NSRP1: variants seen among roughly 807,000 people sequenced by gnomAD.
NSRP1 encodes the protein nuclear speckle splicing regulatory protein 1.
Under a neutral mutation model 54.7 loss-of-function variants are expected in NSRP1, and 24 were observed. The ratio of observed to expected loss-of-function variants is 0.44; its 90% CI spans 0.32 to 0.62. NSRP1 has a LOEUF of 0.62. Ranked by LOEUF, NSRP1 falls within the 20% of genes least tolerant of loss-of-function variation. The pLI, the probability that NSRP1 is intolerant of heterozygous loss-of-function variation, is 0.06. For synonymous variants in NSRP1, 210 were observed against 213.8 expected (o/e 0.98, Z 0.15); for missense variants, 596 against 651.2 (o/e 0.92, Z 0.92).
intron 2 of NSRP1, among the ~76,000 whole-genome samples, chr17:30,147,776 T>A (rs1194369859): frequency 6.6e-6 from 1 of 151,732 alleles, no homozygotes; most frequent in Non-Finnish European, 1.5e-5. Context: ...GCCAGACTTT[T>A]TTAAGTTAAG....
chr17:30,131,599 AATG>A (rs968070413), intron 2 of NSRP1, among the ~76,000 whole-genome samples: 1 of 152,192 alleles, frequency 6.6e-6, no homozygotes, highest in Non-Finnish European at 1.5e-5. Flanking sequence ...AAAAAATGCT[AATG>A]ATCATGTGAG....
chr17:30,168,189 A>G (rs1904805641), intron 2 of NSRP1: 1 of 152,158 alleles, frequency 6.6e-6, no homozygotes, highest in Admixed American at 6.5e-5. Context: ...GCCATTCACC[A>G]GCTGTTTGTC....
intron 2 of NSRP1, among the ~76,000 whole-genome samples, chr17:30,120,412 A>C (rs2071586324): frequency 6.6e-6 from 1 of 152,224 alleles, no homozygotes; most frequent in Non-Finnish European, 1.5e-5. Context: ...TACTAATTAC[A>C]ACTTTTGAAT....
In NSRP1 at chr17:30,116,859, A is replaced by G. The variant is rs767536340; in HGVS notation, c.16A>G (p.Arg6Gly). 2.5e-6 allele frequency: 4 copies of G among 1,575,470 alleles called. No individual in the cohort carries two copies. Among genetic ancestry groups the G allele is most frequent in the Middle Eastern group, 3.3e-4 (2 of 6,048 alleles). ...CGGGAGCAAGATGGCGATTCCGGGC[A>G]GGCAGTGAGTGATCCGGGAGTTAGG... MAIPG[R>G]QYGLILPKKT... The change falls in exon 1 of 7, where the codon AGG (arginine) becomes GGG (glycine). Residue 6 changes from arginine (R) to glycine (G), a missense_variant. Transcript: ENST00000247026.
chr17:30,141,159 T>C (rs188314438), intron 2 of NSRP1, among the ~76,000 whole-genome samples: 1 of 152,128 alleles, frequency 6.6e-6, no homozygotes, highest in African/African-American at 2.4e-5. Flanking sequence ...TCTTTTAGTT[T>C]TCTATTTTAT....
intron 2 of NSRP1, among the ~76,000 whole-genome samples, chr17:30,143,567 A>G (rs961531221): frequency 1.3e-5 from 2 of 152,168 alleles, no homozygotes; most frequent in African/African-American, 4.8e-5. Context: ...AGAAAAGGTT[A>G]TAAGACCTTT....
intron 2 of NSRP1, among the ~76,000 whole-genome samples, chr17:30,123,922 A>T (rs1317630861): frequency 2.0e-5 from 3 of 152,178 alleles, no homozygotes; most frequent in Non-Finnish European, 2.9e-5. Context: ...ATACAACAGA[A>T]GGATTGGACA....
intron 2 of NSRP1, among the ~76,000 whole-genome samples, chr17:30,158,848 G>A (rs1904412724): frequency 6.6e-6 from 1 of 152,040 alleles, no homozygotes; most frequent in Admixed American, 6.6e-5. Flanking sequence ...CTAATACTAT[G>A]CTAGTTTGGT....
chr17:30,176,536 G>T (rs1037801135), intron 3 of NSRP1, among the ~76,000 whole-genome samples: 3 of 151,734 alleles, frequency 2.0e-5, no homozygotes, highest in Non-Finnish European at 4.4e-5. Flanking sequence ...CTTGAACCCA[G>T]GAGGCGGAGG....
Position 30,181,014 on chromosome 17 carries a change from C to T in NSRP1, c.615C>T (p.Ala205=). The change falls in exon 6 of 7, where the codon GCC becomes GCT. Residue 205 remains alanine, a splice_region_variant and synonymous_variant. Transcript: ENST00000247026. ...EEVPKCSFRE[A]RSGIKEEKSR... is the part of the protein sequence containing the mutation. Reference sequence around the variant, plus strand: ...TACCTAAATGCAGCTTTCGTGAAGCCAGGTGAGGAGACGTGTATGAAATAT... The same window carrying T: ...TACCTAAATGCAGCTTTCGTGAAGCTAGGTGAGGAGACGTGTATGAAATAT... 6.3e-7 allele frequency: 1 copy of T among 1,576,438 alleles called. No individual in the cohort carries two copies.
At chr17:30,167,482 G>A (rs911404059) in intron 2 of NSRP1, among the ~76,000 whole-genome samples, 3 of 151,596 alleles carry the variant, frequency 2.0e-5, no homozygotes, top group African/African-American at 7.3e-5. Context: ...GGTGGTGTGC[G>A]CCTGTATTCC....
chr17:30,159,406 A>G (rs1024539462), intron 2 of NSRP1, among the ~76,000 whole-genome samples: 1 of 152,014 alleles, frequency 6.6e-6, no homozygotes, highest in African/African-American at 2.4e-5. Context: ...AGATCATGTC[A>G]TCTGCAGAGA....
At chr17:30,183,187 T>C (rs1417929563) in intron 6 of NSRP1, among the ~76,000 whole-genome samples, 1 of 151,292 alleles carries the variant, frequency 6.6e-6, no homozygotes, top group Non-Finnish European at 1.5e-5. Context: ...GCCATAATTA[T>C]GTAGCTGAAG....
At chr17:30,123,534 T>G (rs2071622983) in intron 2 of NSRP1, among the ~76,000 whole-genome samples, 1 of 152,226 alleles carries the variant, frequency 6.6e-6, no homozygotes, top group African/African-American at 2.4e-5. Flanking sequence ...CTGTTCACTT[T>G]TCTTGAAAAT....
At chr17:30,162,805 C>G (rs1904567895) in intron 2 of NSRP1, among the ~76,000 whole-genome samples, 1 of 151,970 alleles carries the variant, frequency 6.6e-6, no homozygotes, top group Non-Finnish European at 1.5e-5. Context: ...AAATAATGGT[C>G]TAGTACCTAT....
chr17:30,150,744 ATGGCGCGATCTCGG>A (rs2071901262), intron 2 of NSRP1: 1 of 123,148 alleles, frequency 8.1e-6, no homozygotes, highest in African/African-American at 3.1e-5. Context: ...CTGGAGTTCA[ATGGCGCGATCTCGG>A]TTCACTGCAA....
intron 2 of NSRP1, among the ~76,000 whole-genome samples, chr17:30,142,587 C>T (rs895110939): frequency 6.6e-6 from 1 of 152,076 alleles, no homozygotes; most frequent in Non-Finnish European, 1.5e-5. Flanking sequence ...CCACCTCAGT[C>T]TCCCAAAGTG....
intron 2 of NSRP1, among the ~76,000 whole-genome samples, chr17:30,130,027 A>G (rs2071685409): frequency 6.6e-6 from 1 of 152,210 alleles, no homozygotes; most frequent in Admixed American, 6.5e-5. Flanking sequence ...AAAAGGATGG[A>G]ACTAAGACAA....
intron 2 of NSRP1, among the ~76,000 whole-genome samples, chr17:30,135,809 T>C (rs1877576758): frequency 6.6e-6 from 1 of 152,138 alleles, no homozygotes; most frequent in African/African-American, 2.4e-5. Flanking sequence ...TGGTAGATAC[T>C]GTGCATCTCA....
Sources: allele counts gnomAD v4.1 joint callset (sites outside exome capture counted in the v4.1 genomes callset), GRCh38; gene constraint gnomAD v4.1.1; transcripts MANE v1.5; gene names NCBI Gene and HGNC (gene_info 2026-07-23, HGNC 2026-07-21).